The following RPTOR variants were observed in gnomAD, a reference collection of about 807,000 sequenced individuals.
RPTOR encodes regulatory-associated protein of mTOR.
A neutral mutation model predicts 169.9 loss-of-function variants in RPTOR; 21 were observed. The ratio of observed to expected loss-of-function variants is 0.12; its 90% CI spans 0.09 to 0.18. The LOEUF (loss-of-function observed/expected upper bound fraction) is 0.18. Among genes scored for constraint, RPTOR ranks in the 10% least tolerant of loss-of-function variants. The pLI is 1.00. For synonymous variants in RPTOR, 732 were observed against 753.2 expected, an observed-to-expected ratio of 0.97 and a Z score of 0.46; for missense variants, 1,133 against 1,855.9, an observed-to-expected ratio of 0.61 and a Z score of 7.16.
rs778786780 is a variant in RPTOR at position 80,707,962 on chromosome 17, G to T, written c.470G>T (p.Arg157Leu). The T allele has an allele frequency of 5.6e-6, 9 of 1,613,544 alleles. No homozygotes were observed. The highest frequency in any genetic ancestry group is 1.3e-5 in the African/African-American group (1 of 74,892). Residue 157 changes from arginine to leucine, a missense_variant, in exon 4 of 34, where the codon CGG (arginine) becomes CTG (leucine). Arg to Leu is a moderately radical substitution (Grantham distance 102). Coordinates refer to ENST00000306801, the MANE Select transcript of RPTOR (RefSeq NM_020761.3). This position sits in a 1 kb window ranked among gnomAD's most constrained non-coding sequence, Gnocchi z 5.0. ...LFHYNGHGVPRPTVNGEVWVF... is the reference protein window; with the variant it reads ...LFHYNGHGVPLPTVNGEVWVF... ...CACTACAATGGCCACGGGGTGCCCC[G>T]GCCCACAGTCAACGGGGAGGTCTGG...
intron 6 of RPTOR, among the ~76,000 whole-genome samples, chr17:80,760,759 C>T (rs540669999): frequency 6.6e-6 from 1 of 152,322 alleles, no homozygotes; most frequent in African/African-American, 2.4e-5. Context: ...AAGGGCGATG[C>T]TCGGGAAGGT....
At chr17:80,634,268 T>TGC (rs752362424) in intron 2 of RPTOR, among the ~76,000 whole-genome samples, 35 of 102,380 alleles carry the variant, frequency 3.4e-4, no homozygotes, top group African/African-American at 1.6e-3. Flanking sequence ...GCATACCGTG[T>TGC]GTGTGCGTAC....
At chr17:80,624,042 G>A (rs1315374354) in intron 1 of RPTOR, among the ~76,000 whole-genome samples, 2 of 152,082 alleles carry the variant, frequency 1.3e-5, no homozygotes, top group South Asian at 4.2e-4. Context: ...CTGAGTAGCT[G>A]GGACCGCAGG....
At chr17:80,881,841 A>T (rs996912976) in intron 14 of RPTOR, among the ~76,000 whole-genome samples, 3 of 152,174 alleles carry the variant, frequency 2.0e-5, no homozygotes, top group Non-Finnish European at 4.4e-5. Context: ...AATAAATAAT[A>T]TAAATATTCT....
In RPTOR at chr17:80,646,640, A is replaced by G. The variant is rs1027186252; in HGVS notation, c.348+2830A>G. The stretch of plus-strand genomic sequence containing the variant: ...AACACGCACCACTTGATTGCACTCT[A>G]CAGGGCTCTTGAGTTTCTGCAGTAA... On this transcript the variant is annotated intron_variant, in intron 3 of 33. Transcript: ENST00000306801. This position sits in a 1 kb window ranked among gnomAD's most constrained non-coding sequence, Gnocchi z 5.0. Among the ~76,000 whole-genome samples the G allele has an allele frequency of 3.3e-5, 5 of 152,184 alleles. No homozygotes were observed. Among genetic ancestry groups the G allele is most frequent in the Non-Finnish European group, 5.9e-5 (4 of 68,030 alleles).
chr17:80,677,612 A>G (rs2065869771), intron 3 of RPTOR, among the ~76,000 whole-genome samples: 1 of 151,990 alleles, frequency 6.6e-6, no homozygotes, highest in African/African-American at 2.4e-5. Context: ...GACTGCTGAC[A>G]TTTCAGTGTG....
chr17:80,753,504 G>C (rs1205560221), intron 5 of RPTOR, among the ~76,000 whole-genome samples: 1 of 151,580 alleles, frequency 6.6e-6, no homozygotes, highest in African/African-American at 2.4e-5. Flanking sequence ...ATGGTGGCGT[G>C]CGCCTGTAGT....
chr17:80,685,644 T>TTAA lies in RPTOR; in HGVS notation c.349-22196_349-22195insAAT, dbSNP rs1555607051. Among the ~76,000 whole-genome samples, 7 of 72,292 alleles carry TTAA rather than the reference T, an allele frequency of 9.7e-5. 1 individual carries two copies. In the East Asian group the frequency reaches 2.4e-3, roughly 25 times the overall value. The allele number at this position is 72,292 out of a possible 152,430, so 47.4% of individuals were successfully genotyped here. Reference sequence around the variant, plus strand: ...ATATATATATTTTTTTTTTTTTTTTTTTTTTTTTTTTTTGCTGTGAATTAT... The same window carrying TTAA: ...ATATATATATTTTTTTTTTTTTTTTTTAATTTTTTTTTTTTTGCTGTGAATTAT... On this transcript the variant is annotated intron_variant, in intron 3 of 33. Coordinates refer to ENST00000306801, the MANE Select transcript of RPTOR (RefSeq NM_020761.3).
chr17:80,726,973 G>A lies in RPTOR; in HGVS notation c.508-3587G>A, dbSNP rs1013537988. ...CCCCAACCCCTGGGGACCTGTGAGC[G>A]CAGCCTGCAAGCTCCGGCTCCAGGA... On this transcript the variant is annotated intron_variant, in intron 4 of 33. Coordinates refer to ENST00000306801, the MANE Select transcript of RPTOR (RefSeq NM_020761.3). The surrounding 1 kb of genome is among the most constrained non-coding windows in gnomAD (Gnocchi z 4.5). Among the ~76,000 whole-genome samples the A allele has an allele frequency of 2.4e-4, 36 of 152,240 alleles. No homozygotes were observed. The highest frequency in any genetic ancestry group is 7.7e-4 in the African/African-American group (32 of 41,538).
intron 1 of RPTOR, among the ~76,000 whole-genome samples, chr17:80,564,474 T>C (rs1396315886): frequency 3.3e-5 from 5 of 152,158 alleles, no homozygotes; most frequent in Admixed American, 2.6e-4. Context: ...TTTATTTTAT[T>C]TTTTCATATT....
At chr17:80,964,209 C>CCCCCGGGCG in intron 33 of RPTOR, 53 bp from the exon 34 acceptor site, 1 of 1,325,554 alleles carries the variant, frequency 7.5e-7, no homozygotes, top group Non-Finnish European at 1.1e-6. Flanking sequence ...CCCCGCCCCC[C>CCCCCGGGCG]GCAGTGTCTG....
chr17:80,947,939 T>G lies in RPTOR; in HGVS notation c.3265+588T>G, dbSNP rs2144059863. On this transcript the variant is annotated intron_variant, in intron 27 of 33. Coordinates refer to ENST00000306801, the MANE Select transcript of RPTOR (RefSeq NM_020761.3). This position sits in a 1 kb window ranked among gnomAD's most constrained non-coding sequence, Gnocchi z 4.4. ...GTTTTTTGGAGGGGTCCGAAATGTC[T>G]TAGTTTCATCTTCACTTTGGAACAA... is the stretch of plus-strand genomic sequence containing the variant. 6.6e-6 allele frequency among the ~76,000 whole-genome samples: 1 copy of G among 152,370 alleles called. No individual in the cohort carries two copies. Among genetic ancestry groups the G allele is most frequent in the Admixed American group, 6.5e-5 (1 of 15,310 alleles).
intron 5 of RPTOR, among the ~76,000 whole-genome samples, chr17:80,751,537 C>T (rs144579736): frequency 2.6e-4 from 39 of 152,302 alleles, no homozygotes; most frequent in African/African-American, 8.4e-4. Context: ...AGCAAAAATG[C>T]AGACACAGAC....
At chr17:80,682,188 C>T (rs1286842883) in intron 3 of RPTOR, among the ~76,000 whole-genome samples, 2 of 150,178 alleles carry the variant, frequency 1.3e-5, no homozygotes, top group African/African-American at 2.4e-5. Flanking sequence ...GCTGCAGCCT[C>T]GACCTCTTGG....
chr17:80,955,241 C>T lies in RPTOR; in HGVS notation c.3371-2383C>T, dbSNP rs151185543. Among the ~76,000 whole-genome samples the T allele has an allele frequency of 1.3e-3, 195 of 152,360 alleles. 1 individual carries two copies. Among genetic ancestry groups the T allele is most frequent in the African/African-American group, 4.3e-3 (180 of 41,586 alleles). On this transcript the variant is annotated intron_variant, in intron 28 of 33. Transcript: ENST00000306801. ...AGACGGCATTAAGAAGCTGCAATTGCAGGGCAGCCAGGCCAAGAGGCACCA... is the reference window on the plus strand; with the variant it reads ...AGACGGCATTAAGAAGCTGCAATTGTAGGGCAGCCAGGCCAAGAGGCACCA...
At chr17:80,886,519 G>C (rs1188329864) in intron 17 of RPTOR, among the ~76,000 whole-genome samples, 2 of 152,186 alleles carry the variant, frequency 1.3e-5, no homozygotes, top group East Asian at 3.8e-4. Context: ...GCAAATCAGC[G>C]GTTTGTCTGC....
intron 5 of RPTOR, among the ~76,000 whole-genome samples, 197 bp from the exon 6 acceptor site, chr17:80,753,813 G>T (rs1260997197): frequency 6.6e-6 from 1 of 152,036 alleles, no homozygotes; most frequent in East Asian, 1.9e-4. Context: ...TTGGGAATGA[G>T]ACGGCCAGGT....
chr17:80,636,299 G>A (rs892233261), intron 2 of RPTOR, among the ~76,000 whole-genome samples: 73 of 152,128 alleles, frequency 4.8e-4, no homozygotes, highest in African/African-American at 1.6e-3. Context: ...CAAACACCCC[G>A]ACCCCTACGT....
intron 4 of RPTOR, among the ~76,000 whole-genome samples, chr17:80,722,750 T>C (rs1417710779): frequency 6.6e-6 from 1 of 151,374 alleles, no homozygotes; most frequent in East Asian, 1.9e-4. Flanking sequence ...CTACCCAGTG[T>C]CAACCTCTTA....
Sources: gnomAD v4.1 joint callset for allele counts (sites outside exome capture counted in the v4.1 genomes callset) on GRCh38, gnomAD v4.1.1 for gene constraint, Gnocchi (gnomAD v3.1) non-coding constraint, MANE v1.5 for transcripts, NCBI Gene and HGNC (gene_info 2026-07-23, HGNC 2026-07-21) for gene names.